GARNL3: variants seen among roughly 807,000 people sequenced by gnomAD.
The protein encoded by GARNL3 is GTPase-activating Rap/Ran-GAP domain-like protein 3.
Under a neutral mutation model 125.0 loss-of-function variants are expected in GARNL3, and 63 were observed. That is an observed-to-expected ratio of 0.50 (90% CI 0.41 to 0.62). The LOEUF is 0.62. Among genes scored for constraint, GARNL3 ranks in the 20% least tolerant of loss-of-function variants. GARNL3 has a pLI of 0.00. For synonymous variants in GARNL3, 439 were observed against 457.5 expected, an observed-to-expected ratio of 0.96 and a Z score of 0.52; for missense variants, 994 against 1,244.0, an observed-to-expected ratio of 0.80 and a Z score of 3.02.
chr9:127,360,754 G>C (rs1830953283), intron 21 of GARNL3, among the ~76,000 whole-genome samples: 1 of 152,168 alleles, frequency 6.6e-6, no homozygotes, highest in African/African-American at 2.4e-5. Context: ...AACTGGGCAG[G>C]CCTCGCTTCC....
At chr9:127,304,756 C>T (rs1244434869) in intron 2 of GARNL3, among the ~76,000 whole-genome samples, 2 of 151,954 alleles carry the variant, frequency 1.3e-5, no homozygotes, top group Admixed American at 1.3e-4. Context: ...AGACTGGTCT[C>T]GAACTCCTGA....
chr9:127,283,617 C>T (rs1307651730), intron 1 of GARNL3, among the ~76,000 whole-genome samples: 1 of 152,134 alleles, frequency 6.6e-6, no homozygotes, highest in Non-Finnish European at 1.5e-5. Context: ...CTGCAGTGAG[C>T]CATAATTGTG....
chr9:127,344,062 A>C (rs1003124175), intron 14 of GARNL3, among the ~76,000 whole-genome samples, 173 bp from the exon 15 acceptor site: 1 of 152,184 alleles, frequency 6.6e-6, no homozygotes, highest in Admixed American at 6.5e-5. Context: ...CTCTGAATCT[A>C]GTATCTACCA....
chr9:127,376,999 G>A (rs991167988), intron 22 of GARNL3, among the ~76,000 whole-genome samples: 2 of 152,182 alleles, frequency 1.3e-5, no homozygotes, highest in Middle Eastern at 6.3e-3. Flanking sequence ...ATAAATTAAT[G>A]TGATTCCAGT....
chr9:127,284,401 T>A (rs1308045412), intron 1 of GARNL3, among the ~76,000 whole-genome samples: 1 of 152,184 alleles, frequency 6.6e-6, no homozygotes, highest in Non-Finnish European at 1.5e-5. Flanking sequence ...TATATGTATT[T>A]GTCTTTGTTC....
rs1196302510 is a variant in GARNL3, at chr9:127,389,036, C to T, written c.2660C>T (p.Ala887Val). The T allele has an allele frequency of 6.2e-7, 1 of 1,614,126 alleles. No individual in the cohort carries two copies. Residue 887 changes from alanine (A) to valine (V), a missense_variant, in exon 26 of 28, where the codon GCT becomes GTT. Physicochemically the swap from Ala to Val is moderately conservative, Grantham distance 64 (BLOSUM62 0). Around this residue, in one of 5 missense-constraint regions of GARNL3, gnomAD observed 728 missense variants for 865.7 expected, o/e 0.84. Transcript: ENST00000373387. ...TPPTPISVGLAAIPVTHSLSL... is the reference protein window; with the variant it reads ...TPPTPISVGLVAIPVTHSLSL... ...CCCACTCCCATCAGTGTGGGCCTTG[C>T]TGCCATTCCAGTCACGCACTCCTTG...
intron 17 of GARNL3, among the ~76,000 whole-genome samples, chr9:127,351,800 T>TGTTTTG (rs1400316500): frequency 6.6e-6 from 1 of 152,230 alleles, no homozygotes; most frequent in Non-Finnish European, 1.5e-5. Flanking sequence ...TCTCGCCCTG[T>TGTTTTG]GTTTTGGTTT....
rs779966047 is a variant in GARNL3 at position 127,318,080 on chromosome 9, C to T, written c.456C>T (p.Cys152=). The change falls in exon 5 of 28, where the codon TGC becomes TGT. Residue 152 remains cysteine, a synonymous_variant. Coordinates refer to ENST00000373387, the MANE Select transcript of GARNL3 (RefSeq NM_032293.5). ...LWRKTGTQKI[C]LPYSPTKTLS... The stretch of plus-strand genomic sequence containing the variant: ...TTTTCCAGGGTACCCAGAAAATATG[C>T]CTTCCCTACAGTCCCACAAAAACTC... 6.2e-7 allele frequency: 1 copy of T among 1,607,784 alleles called. No individual in the cohort carries two copies. Among genetic ancestry groups the T allele is most frequent in the Middle Eastern group, 1.7e-4 (1 of 6,054 alleles).
chr9:127,316,347 G>A (rs942646495), intron 4 of GARNL3, among the ~76,000 whole-genome samples: 6 of 151,986 alleles, frequency 3.9e-5, no homozygotes, highest in African/African-American at 1.5e-4. Flanking sequence ...TTTGAGACCA[G>A]CCTGGGCAAC....
At chr9:127,239,588 G>A (rs2063169032) in intron 1 of GARNL3, among the ~76,000 whole-genome samples, 1 of 152,144 alleles carries the variant, frequency 6.6e-6, no homozygotes, top group African/African-American at 2.4e-5. Flanking sequence ...TTCCTAGAGT[G>A]CCAAGGAGTT....
intron 22 of GARNL3, among the ~76,000 whole-genome samples, chr9:127,365,814 C>T (rs1235959896): frequency 6.6e-6 from 1 of 152,174 alleles, no homozygotes; most frequent in African/African-American, 2.4e-5. Context: ...GGGTTTGCAT[C>T]GGGTGCTCTC....
Position 127,387,216 on chromosome 9 carries a change from T to C in GARNL3, c.2412T>C (p.Thr804=), listed in dbSNP as rs376979492. The change falls in exon 25 of 28, where the codon ACT becomes ACC. Residue 804 remains threonine, a synonymous_variant. Coordinates refer to ENST00000373387, the MANE Select transcript of GARNL3 (RefSeq NM_032293.5). ...AGTCGGATATATACTTCACAGCAAC[T>C]GCAGCTGTGAATGAGGTCTCATCTG... The part of the protein sequence containing the change: ...ASRSDIYFTA[T]AAVNEVSSGG... 2.0e-5 allele frequency: 32 copies of C among 1,613,610 alleles called. No individual in the cohort carries two copies. Among genetic ancestry groups the C allele is most frequent in the Non-Finnish European group, 2.7e-5 (32 of 1,179,866 alleles).
chr9:127,358,264 C>T (rs146520545), intron 21 of GARNL3, among the ~76,000 whole-genome samples: 6 of 152,384 alleles, frequency 3.9e-5, no homozygotes, highest in Non-Finnish European at 7.3e-5. Context: ...CAGAGCTTTT[C>T]AGCCCACGTA....
chr9:127,301,396 G>A (rs1205748990), intron 2 of GARNL3, among the ~76,000 whole-genome samples: 5 of 152,088 alleles, frequency 3.3e-5, no homozygotes. Context: ...CACATGTGCT[G>A]GTGTTTAGCT....
At chr9:127,240,967 AT>A (rs2131162753) in intron 1 of GARNL3, among the ~76,000 whole-genome samples, 1 of 152,376 alleles carries the variant, frequency 6.6e-6, no homozygotes, top group East Asian at 1.9e-4. Flanking sequence ...TCAACATGTA[AT>A]CAGTGTGAAA....
chr9:127,306,652 G>A (rs571381288), intron 2 of GARNL3, among the ~76,000 whole-genome samples: 63 of 152,058 alleles, frequency 4.1e-4, no homozygotes, highest in African/African-American at 1.0e-3. Context: ...GCGTGAACCC[G>A]GGAGGTGGAG....
In GARNL3 at chr9:127,368,672, C is replaced by T. The variant is rs546239899; in HGVS notation, c.2161+3306C>T. Reference sequence around the variant, plus strand: ...TATAAGGGCCAAGTGCAGTGGCTCACGCCTGTAATCCCAGCACTTTGAGAG... The same window carrying T: ...TATAAGGGCCAAGTGCAGTGGCTCATGCCTGTAATCCCAGCACTTTGAGAG... On this transcript the variant is annotated intron_variant, in intron 22 of 27. Coordinates refer to ENST00000373387, the MANE Select transcript of GARNL3 (RefSeq NM_032293.5). 9.2e-5 allele frequency among the ~76,000 whole-genome samples: 14 copies of T among 151,366 alleles called. 1 individual carries two copies. In the South Asian group the frequency reaches 1.7e-3, roughly 18 times the overall value.
In GARNL3 at chr9:127,332,298, G is replaced by C. The variant is rs1433778534; in HGVS notation, c.619G>C (p.Val207Leu). ...GGGCTCTGTGAATTTCAAGTTTGGG[G>C]TTCTTTTTGCCAAAGATGGGCAGCT... is the stretch of plus-strand genomic sequence containing the variant. ...QEGSVNFKFG[V>L]LFAKDGQLTD... Residue 207 changes from valine to leucine, a missense_variant, in exon 8 of 28, where the codon GTT becomes CTT. Coordinates refer to ENST00000373387, the MANE Select transcript of GARNL3 (RefSeq NM_032293.5). 1 of 1,613,808 alleles carries C rather than the reference G, an allele frequency of 6.2e-7. No homozygotes were observed. The highest frequency in any genetic ancestry group is 1.1e-5 in the South Asian group (1 of 91,064).
intron 22 of GARNL3, among the ~76,000 whole-genome samples, chr9:127,376,125 A>G (rs193046388): frequency 1.4e-4 from 21 of 152,166 alleles, no homozygotes; most frequent in Admixed American, 1.1e-3. Context: ...ACGCCCAGCT[A>G]ATTTTTGTAT....
Sources: gnomAD v4.1 joint callset for allele counts (sites outside exome capture counted in the v4.1 genomes callset) on GRCh38, gnomAD v4.1.1 for gene constraint, gnomAD v4.1.1 regional missense constraint, MANE v1.5 for transcripts, NCBI Gene and HGNC (gene_info 2026-07-23, HGNC 2026-07-21) for gene names.